Variants in SYN2 observed in about 807,000 individuals in gnomAD.
SYN2 encodes the protein synapsin-2.
SYN2 carries 19 observed loss-of-function variants against 50.9 expected under a neutral mutation model. The observed-to-expected ratio is 0.37, with a 90% CI of 0.26 to 0.55. The LOEUF (loss-of-function observed/expected upper bound fraction) is 0.55, where lower values mean the gene tolerates loss of function less well. SYN2 is among the 20% of genes least tolerant of loss of function. The pLI is 0.81. For synonymous variants in SYN2, 255 were observed against 224.9 expected (o/e 1.13, Z -1.20); for missense variants, 587 against 576.4 (o/e 1.02, Z -0.19).
chr3:12,119,947 A>C (rs1696516613), intron 1 of SYN2, among the ~76,000 whole-genome samples: 1 of 152,206 alleles, frequency 6.6e-6, no homozygotes, highest in Non-Finnish European at 1.5e-5. Flanking sequence ...CCCTGAAGCT[A>C]GAAAGTGTCT....
At chr3:12,109,987 A>C (rs1696278786) in intron 1 of SYN2, among the ~76,000 whole-genome samples, 1 of 152,172 alleles carries the variant, frequency 6.6e-6, no homozygotes, top group African/African-American at 2.4e-5. Context: ...TGGGAGTTTG[A>C]GACCAACCTA....
At chr3:12,010,959 A>G (rs868696795) in intron 1 of SYN2, among the ~76,000 whole-genome samples, 3 of 152,204 alleles carry the variant, frequency 2.0e-5, no homozygotes, top group Non-Finnish European at 2.9e-5. Context: ...GGCTAAATCT[A>G]TGTGGGAATC....
intron 1 of SYN2, 104 bp downstream of exon 1, chr3:12,005,032 A>C: frequency 2.6e-6 from 1 of 382,724 alleles, no homozygotes; most frequent in African/African-American, 2.1e-5. Context: ...AGACCAATAA[A>C]AAGGAGGGTC....
At chr3:12,131,011 ACTGT>A (rs1486968967) in intron 1 of SYN2, among the ~76,000 whole-genome samples, 3 of 152,176 alleles carry the variant, frequency 2.0e-5, no homozygotes, top group Admixed American at 1.3e-4. Flanking sequence ...GGGCTGGGAA[ACTGT>A]CTGAATTATA....
At chr3:12,180,693 C>T (rs772417624) in intron 10 of SYN2, among the ~76,000 whole-genome samples, 2 of 152,162 alleles carry the variant, frequency 1.3e-5, no homozygotes, top group African/African-American at 2.4e-5. Flanking sequence ...GCTTCCTAGG[C>T]GCCATCAAGG....
At chr3:12,141,815 A>G (rs1342170895) in intron 2 of SYN2, 90 bp from the exon 3 acceptor site, 1 of 739,814 alleles carries the variant, frequency 1.4e-6, no homozygotes, top group African/African-American at 1.7e-5. Context: ...ACTGTATATA[A>G]ATGTTTGGTG....
chr3:12,156,891 T>C, intron 5 of SYN2: 1 of 1,614,206 alleles, frequency 6.2e-7, no homozygotes, highest in Non-Finnish European at 8.5e-7. Context: ...AAAAGGCGTA[T>C]AGATATACTG....
intron 11 of SYN2, chr3:12,184,441 G>A (rs1050698118): frequency 2.0e-6 from 2 of 985,738 alleles, no homozygotes; most frequent in African/African-American, 3.5e-5. Flanking sequence ...GGTCTGTCAG[G>A]GATTTGTCCA....
chr3:12,088,539 C>A (rs1695759351), intron 1 of SYN2, among the ~76,000 whole-genome samples: 1 of 152,108 alleles, frequency 6.6e-6, no homozygotes, highest in South Asian at 2.1e-4. Flanking sequence ...TGTCCCACTT[C>A]TGGATATATA....
At position 12,070,213 on chromosome 3, in the gene SYN2, C is replaced by T. The variant is rs1695315147; in HGVS notation, c.377+65285C>T. ...CCTACTGCTCTGCCGCCCTGCTCCT[C>T]CGCCTGTCACAATGGAAGAAGAGAT... is the stretch of plus-strand genomic sequence containing the variant. On this transcript the variant is annotated intron_variant, in intron 1 of 12. Coordinates refer to ENST00000621198, the MANE Select transcript of SYN2 (RefSeq NM_133625.6). The T allele has an allele frequency of 1.5e-5, 6 of 397,404 alleles. No individual in the cohort carries two copies. The Admixed American group carries it at 1.6e-4, about 11-fold the overall frequency. The allele number at this position is 397,404 out of a possible 1,614,324, so 24.6% of individuals were successfully genotyped here.
intron 1 of SYN2, among the ~76,000 whole-genome samples, chr3:12,034,852 C>T (rs910493529): frequency 2.0e-5 from 3 of 152,166 alleles, no homozygotes; most frequent in Admixed American, 1.3e-4. Flanking sequence ...GCCCCCTTCT[C>T]ACATGCAAAA....
intron 8 of SYN2, 84 bp from the exon 9 acceptor site, chr3:12,168,292 G>A: frequency 1.9e-6 from 2 of 1,051,686 alleles, no homozygotes; most frequent in Non-Finnish European, 2.9e-6. Flanking sequence ...GAGAGATGGA[G>A]GCAGCAAGGA....
In SYN2 at chr3:12,136,447, C is replaced by T. The variant is rs139538926; in HGVS notation, c.378-4204C>T. 2.3e-3 allele frequency among the ~76,000 whole-genome samples: 349 copies of T among 152,290 alleles called. 3 individuals carry two copies. The highest frequency in any genetic ancestry group is 7.9e-3 in the African/African-American group (328 of 41,556). ...GACGCATTATTTGCCCAAAGTCACACAGCTGAAAAGTGGTAGAAGTAGGCC... is the reference window on the plus strand; with the variant it reads ...GACGCATTATTTGCCCAAAGTCACATAGCTGAAAAGTGGTAGAAGTAGGCC... On this transcript the variant is annotated intron_variant, in intron 1 of 12. Coordinates refer to ENST00000621198, the MANE Select transcript of SYN2 (RefSeq NM_133625.6).
At chr3:12,071,862 G>A (rs1208276046) in intron 1 of SYN2, among the ~76,000 whole-genome samples, 3 of 152,186 alleles carry the variant, frequency 2.0e-5, no homozygotes, top group Non-Finnish European at 4.4e-5. Flanking sequence ...CTTAGCTGAT[G>A]TTTTCCTGCC....
intron 1 of SYN2, among the ~76,000 whole-genome samples, chr3:12,122,828 G>A (rs1696589501): frequency 6.6e-6 from 1 of 151,778 alleles, no homozygotes; most frequent in Admixed American, 6.6e-5. Flanking sequence ...ATGGTAAAAA[G>A]ATCTCTACTG....
intron 11 of SYN2, chr3:12,183,595 C>G: frequency 6.8e-7 from 1 of 1,478,286 alleles, no homozygotes; most frequent in Non-Finnish European, 8.9e-7. Flanking sequence ...GTCAGCTCCT[C>G]TGTCTGGTTG....
intron 10 of SYN2, 93 bp from the exon 11 acceptor site, chr3:12,183,219 T>A: frequency 6.7e-7 from 1 of 1,488,514 alleles, no homozygotes. Context: ...CCCACCGGAT[T>A]CCACTGCGGC....
At chr3:12,141,218 C>A (rs1398342181) in intron 2 of SYN2, among the ~76,000 whole-genome samples, 1 of 148,658 alleles carries the variant, frequency 6.7e-6, no homozygotes, top group South Asian at 2.1e-4. Flanking sequence ...TTTTTTTAAC[C>A]TTCCTCCATC....
rs1696583952 is a variant in SYN2, at chr3:12,122,539, G to T, written c.378-18112G>T. 2.0e-5 allele frequency among the ~76,000 whole-genome samples: 3 copies of T among 152,128 alleles called. No individual in the cohort carries two copies. In the South Asian group the frequency reaches 6.2e-4, roughly 32 times the overall value. ...GTTAAAGCTGAGACCCACAAGTGAG[G>T]CTGGGACCCTCAGTAAAGTGGCAGA... is the stretch of plus-strand genomic sequence containing the variant. On this transcript the variant is annotated intron_variant, in intron 1 of 12. Coordinates refer to ENST00000621198, the MANE Select transcript of SYN2 (RefSeq NM_133625.6).
Sources: allele counts gnomAD v4.1 joint callset (sites outside exome capture counted in the v4.1 genomes callset), GRCh38; gene constraint gnomAD v4.1.1; transcripts MANE v1.5; gene names NCBI Gene and HGNC (gene_info 2026-07-23, HGNC 2026-07-21).